FBXL7: variants seen among roughly 807,000 people sequenced by gnomAD.
The protein encoded by FBXL7 is F-box and leucine rich repeat protein 7, also known as F-box/LRR-repeat protein 7.
In FBXL7, 12 loss-of-function variants were observed where a neutral mutation model predicts 38.3. The observed-to-expected ratio is 0.31, with a 90% CI of 0.20 to 0.51. The LOEUF (loss-of-function observed/expected upper bound fraction) is 0.51, where lower values mean the gene tolerates loss of function less well. Among genes scored for constraint, FBXL7 ranks in the 20% least tolerant of loss-of-function variants. FBXL7 has a pLI of 0.98. For missense variants in FBXL7, 567 were observed against 676.4 expected (o/e 0.84, Z 1.79); for synonymous variants, 297 against 300.9 (o/e 0.99, Z 0.13).
At chr5:15,501,664 C>A in intron 1 of FBXL7, 2 of 985,458 alleles carry the variant, frequency 2.0e-6, no homozygotes, top group Non-Finnish European at 2.4e-6. Context: ...GCTATTCAGC[C>A]TGTGGCCTGG....
chr5:15,636,679 CCTTT>C (rs1741197021), intron 2 of FBXL7, among the ~76,000 whole-genome samples: 1 of 129,684 alleles, frequency 7.7e-6, no homozygotes, highest in Non-Finnish European at 1.6e-5. Context: ...AGGGCTAAAA[CCTTT>C]TTTTTTTTTT....
At chr5:15,854,524 G>A (rs368957034) in intron 2 of FBXL7, among the ~76,000 whole-genome samples, 4 of 152,290 alleles carry the variant, frequency 2.6e-5, no homozygotes, top group East Asian at 1.9e-4. Context: ...GGAGATCTGG[G>A]TTCCAGAACC....
chr5:15,590,145 G>A (rs900984570), intron 1 of FBXL7, among the ~76,000 whole-genome samples: 4 of 152,152 alleles, frequency 2.6e-5, no homozygotes, highest in African/African-American at 9.7e-5. Context: ...ATGGAGTAAT[G>A]GACAGACTGG....
chr5:15,556,376 G>A (rs770097789), intron 1 of FBXL7, among the ~76,000 whole-genome samples: 19 of 152,072 alleles, frequency 1.2e-4, no homozygotes, highest in Non-Finnish European at 7.4e-5. Context: ...GTTCATTTCA[G>A]GCCCTCCCCC....
intron 2 of FBXL7, among the ~76,000 whole-genome samples, chr5:15,789,860 C>G (rs1421925247): frequency 1.3e-5 from 2 of 152,144 alleles, no homozygotes; most frequent in Admixed American, 1.3e-4. Context: ...GGGCTGATGA[C>G]TCACCTCTCA....
intron 2 of FBXL7, among the ~76,000 whole-genome samples, chr5:15,865,156 C>G (rs961882512): frequency 2.6e-5 from 4 of 152,202 alleles, no homozygotes; most frequent in African/African-American, 9.6e-5. Context: ...AACATCCATT[C>G]CAGCCCCCAA....
intron 2 of FBXL7, among the ~76,000 whole-genome samples, chr5:15,697,196 G>T (rs1010021935): frequency 1.3e-5 from 2 of 152,120 alleles, no homozygotes; most frequent in Non-Finnish European, 2.9e-5. Context: ...AGGGGAGTTT[G>T]GTGTTTTTGT....
intron 2 of FBXL7, among the ~76,000 whole-genome samples, chr5:15,730,228 A>G (rs1735545838): frequency 6.6e-6 from 1 of 152,144 alleles, no homozygotes; most frequent in African/African-American, 2.4e-5. Context: ...GAAGAAATTT[A>G]TCTCAAAGTT....
At chr5:15,760,316 G>GTA (rs1436362919) in intron 2 of FBXL7, among the ~76,000 whole-genome samples, 1 of 151,014 alleles carries the variant, frequency 6.6e-6, no homozygotes, top group African/African-American at 2.4e-5. Flanking sequence ...CTTATATGAG[G>GTA]TAGTGAAAAT....
At chr5:15,807,157 G>C (rs73054439) in intron 2 of FBXL7, among the ~76,000 whole-genome samples, 6,184 of 152,166 alleles carry the variant, frequency 0.041, 421 homozygotes, top group African/African-American at 0.14. Flanking sequence ...GGTCAGGCTG[G>C]TCTTGAACTC....
chr5:15,667,604 T>C (rs975591931), intron 2 of FBXL7, among the ~76,000 whole-genome samples: 54 of 152,264 alleles, frequency 3.5e-4, no homozygotes, highest in African/African-American at 1.2e-3. Flanking sequence ...TCTTTTGGCA[T>C]TATCTGTTTT....
intron 2 of FBXL7, among the ~76,000 whole-genome samples, chr5:15,689,666 A>T (rs1040493624): frequency 3.9e-5 from 6 of 152,356 alleles, no homozygotes; most frequent in Admixed American, 3.3e-4. Context: ...TACCTAACAC[A>T]TAGTAAATGC....
chr5:15,536,843 C>T (rs1488746005), intron 1 of FBXL7, among the ~76,000 whole-genome samples: 1 of 151,706 alleles, frequency 6.6e-6, no homozygotes. Flanking sequence ...GGGCCAAGGG[C>T]AGAGTGATAT....
At chr5:15,824,605 T>G (rs1040590433) in intron 2 of FBXL7, among the ~76,000 whole-genome samples, 5 of 152,152 alleles carry the variant, frequency 3.3e-5, no homozygotes, top group African/African-American at 1.2e-4. Flanking sequence ...CTAAGTGCAA[T>G]TCAAAGGAAA....
intron 2 of FBXL7, among the ~76,000 whole-genome samples, chr5:15,782,381 C>T (rs964273664): frequency 2.2e-4 from 34 of 152,206 alleles, no homozygotes; most frequent in African/African-American, 7.9e-4. Flanking sequence ...TTTCTAGTTC[C>T]AGATCCTTGA....
chr5:15,744,971 A>G (rs1735978280), intron 2 of FBXL7, among the ~76,000 whole-genome samples: 1 of 152,154 alleles, frequency 6.6e-6, no homozygotes, highest in Admixed American at 6.5e-5. Flanking sequence ...CCCATGATTC[A>G]ATTACCTCCC....
At chr5:15,583,125 TGA>T (rs971356523) in intron 1 of FBXL7, among the ~76,000 whole-genome samples, 1 of 152,028 alleles carries the variant, frequency 6.6e-6, no homozygotes, top group African/African-American at 2.4e-5. Flanking sequence ...TGGTGGCAGG[TGA>T]GAGAGAGCAG....
At chr5:15,588,168 A>G (rs918005593) in intron 1 of FBXL7, among the ~76,000 whole-genome samples, 1 of 152,190 alleles carries the variant, frequency 6.6e-6, no homozygotes, top group Non-Finnish European at 1.5e-5. Context: ...TTATTGCTCA[A>G]TGGTGGTAGA....
At chr5:15,915,675 C>G (rs750394627) in intron 2 of FBXL7, among the ~76,000 whole-genome samples, 2 of 152,070 alleles carry the variant, frequency 1.3e-5, no homozygotes, top group Admixed American at 1.3e-4. Flanking sequence ...CAATTCAACC[C>G]GTAACAGAAG....
Sources: gnomAD v4.1 joint callset for allele counts (sites outside exome capture counted in the v4.1 genomes callset) on GRCh38, gnomAD v4.1.1 for gene constraint, MANE v1.5 for transcripts, NCBI Gene and HGNC (gene_info 2026-07-23, HGNC 2026-07-21) for gene names.